The following ZNF81 variants were observed in gnomAD, a reference collection of about 807,000 sequenced individuals.
The protein encoded by ZNF81 is zinc finger protein 81, also known as zinc finger protein 81 (HFZ20).
A neutral mutation model predicts 32.3 loss-of-function variants in ZNF81; 5 were observed. That is an observed-to-expected ratio of 0.15 (90% CI 0.08 to 0.33). The LOEUF (loss-of-function observed/expected upper bound fraction) is 0.33, where lower values mean the gene tolerates loss of function less well. ZNF81 is among the 10% of genes least tolerant of loss of function. ZNF81 has a pLI of 1.00. For missense variants in ZNF81, 379 were observed against 479.8 expected (o/e 0.79, Z 1.96); for synonymous variants, 163 against 166.8 (o/e 0.98, Z 0.17).
chrX:47,925,317 A>G lies in ZNF81; in HGVS notation c.*8685A>G, dbSNP rs1556892519. Among the ~76,000 whole-genome samples the G allele has an allele frequency of 9.0e-6, 1 of 111,192 alleles. No individual in the cohort carries two copies. Among genetic ancestry groups the G allele is most frequent in the Admixed American group, 9.6e-5 (1 of 10,423 alleles). ...CTTTGTCATTCAGCCCCCTTTCCCC[A>G]CATTCTTCCCACATCCACAGGCAAT... On this transcript the variant is annotated 3_prime_UTR_variant, in exon 5 of 5. Coordinates refer to ENST00000338637, the MANE Select transcript of ZNF81 (RefSeq NM_007137.5).
In ZNF81 at chrX:47,919,422, T is replaced by TA; in HGVS notation, c.*2791dup. 5.0e-6 allele frequency: 1 copy of TA among 199,713 alleles called. No homozygotes were observed. 16.5% of individuals were successfully genotyped at this position (199,713 alleles called of 1,213,427 possible). A position where few individuals can be genotyped will look rare whatever the true frequency, so the allele number is the denominator to read the frequency against. On this transcript the variant is annotated 3_prime_UTR_variant, in exon 5 of 5. Coordinates refer to ENST00000338637, the MANE Select transcript of ZNF81 (RefSeq NM_007137.5). Reference sequence around the variant, plus strand: ...ATTTGTAATATTTCCATTTGATTCTTACAATTTTCATATATCTGCTGAAAT... The same window carrying TA: ...ATTTGTAATATTTCCATTTGATTCTTAACAATTTTCATATATCTGCTGAAAT...
At chrX:47,847,506 C>A (rs2058475674) in intron 2 of ZNF81, among the ~76,000 whole-genome samples, 1 of 112,236 alleles carries the variant, frequency 8.9e-6, no homozygotes, top group South Asian at 3.7e-4. Flanking sequence ...GCATCACTGT[C>A]TTCTCTTTGA....
In ZNF81 at chrX:47,921,287, G is replaced by A. The variant is rs1556891875; in HGVS notation, c.*4655G>A. 9.0e-6 allele frequency: 1 copy of A among 110,692 alleles called. No individual in the cohort carries two copies. Among genetic ancestry groups the A allele is most frequent in the East Asian group, 2.8e-4 (1 of 3,531 alleles). The allele number at this position is 110,692 out of a possible 1,213,427, so 9.1% of individuals were successfully genotyped here. On this transcript the variant is annotated 3_prime_UTR_variant, in exon 5 of 5. Coordinates refer to ENST00000338637, the MANE Select transcript of ZNF81 (RefSeq NM_007137.5). Reference sequence around the variant, plus strand: ...GAGGCTTGAGAAGTGCCTGCACAATGAGGCTTGCCCACTTTTGCAGCTCTT... The same window carrying A: ...GAGGCTTGAGAAGTGCCTGCACAATAAGGCTTGCCCACTTTTGCAGCTCTT...
chrX:47,891,405 C>T (rs1299820403), intron 3 of ZNF81, among the ~76,000 whole-genome samples: 1 of 112,340 alleles, frequency 8.9e-6, no homozygotes, highest in South Asian at 3.7e-4. Context: ...GAATCACCAT[C>T]CCTGCATCCC....
At chrX:47,850,979 A>G (rs1358607150) in intron 2 of ZNF81, among the ~76,000 whole-genome samples, 2 of 108,450 alleles carry the variant, frequency 1.8e-5, no homozygotes, top group African/African-American at 6.7e-5. Flanking sequence ...ATATTAGCAT[A>G]CAAAATTTCC....
rs1038938909 is a variant in ZNF81 at position 47,922,528 on chromosome X, A to C, written c.*5896A>C. Among the ~76,000 whole-genome samples the C allele has an allele frequency of 9.0e-6, 1 of 111,724 alleles. No homozygotes were observed. Among genetic ancestry groups the C allele is most frequent in the African/African-American group, 3.3e-5 (1 of 30,722 alleles). ...AAAAATATTAAAAGATAGTTTGCAT[A>C]GTGGTTAGGTAGATAGGCTCAGGAA... On this transcript the variant is annotated 3_prime_UTR_variant, in exon 5 of 5. Transcript: ENST00000338637.
rs1448072107 is a variant in ZNF81 at position 47,924,638 on chromosome X, C to A, written c.*8006C>A. ...TTCAGTTTTGTGTGATTGACTCTAGCCTTGTCTTCAGAGACAATTCTCCTT... is the reference window on the plus strand; with the variant it reads ...TTCAGTTTTGTGTGATTGACTCTAGACTTGTCTTCAGAGACAATTCTCCTT... On this transcript the variant is annotated 3_prime_UTR_variant, in exon 5 of 5. Coordinates refer to ENST00000338637, the MANE Select transcript of ZNF81 (RefSeq NM_007137.5). Among the ~76,000 whole-genome samples, 1 of 111,828 alleles carries A rather than the reference C, an allele frequency of 8.9e-6. No homozygotes were observed. The highest frequency in any genetic ancestry group is 1.9e-5 in the Non-Finnish European group (1 of 53,105).
In ZNF81 at chrX:47,918,285, A is replaced by G. The variant is rs932093833; in HGVS notation, c.*1653A>G. 2 of 111,635 alleles carry G rather than the reference A, an allele frequency of 1.8e-5. No homozygotes were observed. The highest frequency in any genetic ancestry group is 3.3e-5 in the African/African-American group (1 of 30,717). 9.2% of individuals were successfully genotyped at this position (111,635 alleles called of 1,213,427 possible). On this transcript the variant is annotated 3_prime_UTR_variant, in exon 5 of 5. Coordinates refer to ENST00000338637, the MANE Select transcript of ZNF81 (RefSeq NM_007137.5). ...TATCTAACTATTCGCAAGGTAAAAA[A>G]TGGCCTCAGGGTAAAGATCAAATCA...
chrX:47,898,665 T>C (rs782328582), intron 4 of ZNF81, among the ~76,000 whole-genome samples: 2 of 111,779 alleles, frequency 1.8e-5, no homozygotes, highest in Non-Finnish European at 3.8e-5. Flanking sequence ...TTTAGGAGAA[T>C]TGACATCTTA....
chrX:47,886,640 C>G (rs1466686526), intron 2 of ZNF81, among the ~76,000 whole-genome samples: 1 of 104,363 alleles, frequency 9.6e-6, no homozygotes, highest in Non-Finnish European at 2.0e-5. Flanking sequence ...CACTCTGTCA[C>G]CCAGGCTGGA....
intron 4 of ZNF81, among the ~76,000 whole-genome samples, chrX:47,900,253 A>G (rs1556887769): frequency 8.9e-6 from 1 of 111,776 alleles, no homozygotes. Flanking sequence ...GTAAAGACAC[A>G]CTAATATATA....
rs1349764795 is a variant in ZNF81 at position 47,846,205 on chromosome X, C to T, written c.-63C>T. On this transcript the variant is annotated 5_prime_UTR_variant, in exon 2 of 5. Transcript: ENST00000338637. ...CAGTCCCCGTTGAGTCCACCGATCC[C>T]ACTGGAATTATAAAGTTGTCAGCAA... 3.7e-5 allele frequency: 43 copies of T among 1,157,478 alleles called. No individual in the cohort carries two copies. Among genetic ancestry groups the T allele is most frequent in the Non-Finnish European group, 4.8e-5 (41 of 858,277 alleles).
Position 47,918,909 on chromosome X carries a change from G to T in ZNF81, c.*2277G>T, listed in dbSNP as rs1556891447. Reference sequence around the variant, plus strand: ...ATGGTCCTCCTCTTTTTGAATGGGAGTGTCTATTACAGTTATCCTGTACCT... The same window carrying T: ...ATGGTCCTCCTCTTTTTGAATGGGATTGTCTATTACAGTTATCCTGTACCT... On this transcript the variant is annotated 3_prime_UTR_variant, in exon 5 of 5. Coordinates refer to ENST00000338637, the MANE Select transcript of ZNF81 (RefSeq NM_007137.5). 1.3e-5 allele frequency: 2 copies of T among 153,600 alleles called. No homozygotes were observed. The highest frequency in any genetic ancestry group is 2.6e-5 in the Non-Finnish European group (2 of 78,097). The allele number at this position is 153,600 out of a possible 1,213,427, so 12.7% of individuals were successfully genotyped here.
intron 2 of ZNF81, among the ~76,000 whole-genome samples, chrX:47,881,099 T>C (rs2058619113): frequency 8.9e-6 from 1 of 111,761 alleles, no homozygotes; most frequent in Non-Finnish European, 1.9e-5. Flanking sequence ...GGAAAAGGAG[T>C]TGGGCTAGTG....
At chrX:47,863,539 A>G (rs1209956005) in intron 2 of ZNF81, among the ~76,000 whole-genome samples, 1 of 112,322 alleles carries the variant, frequency 8.9e-6, no homozygotes. Flanking sequence ...CCTGAAAGCT[A>G]AGATCTTCTA....
intron 4 of ZNF81, among the ~76,000 whole-genome samples, chrX:47,904,465 C>T (rs35113460): frequency 0.35 from 36,315 of 104,280 alleles, 5,348 homozygotes; most frequent in Non-Finnish European, 0.43. Flanking sequence ...TGAAAAAATG[C>T]TCATCATCAC....
intron 2 of ZNF81, among the ~76,000 whole-genome samples, chrX:47,855,261 C>T (rs1033039366): frequency 9.1e-6 from 1 of 110,255 alleles, no homozygotes; most frequent in African/African-American, 3.3e-5. Context: ...AAAATGTTTA[C>T]AATATTGTGA....
At chrX:47,850,181 T>C (rs903041883) in intron 2 of ZNF81, among the ~76,000 whole-genome samples, 3 of 110,461 alleles carry the variant, frequency 2.7e-5, no homozygotes, top group Non-Finnish European at 5.7e-5. Flanking sequence ...GCATTACTTG[T>C]AACAGCCAGA....
At chrX:47,882,189 T>C (rs1556885250) in intron 2 of ZNF81, among the ~76,000 whole-genome samples, 1 of 111,284 alleles carries the variant, frequency 9.0e-6, no homozygotes, top group East Asian at 2.8e-4. Context: ...TATGTACATA[T>C]ATATACACAC....
Sources: gnomAD v4.1 joint callset for allele counts (sites outside exome capture counted in the v4.1 genomes callset) on GRCh38, gnomAD v4.1.1 for gene constraint, MANE v1.5 for transcripts, NCBI Gene and HGNC (gene_info 2026-07-23, HGNC 2026-07-21) for gene names.